The following CSMD3 variants were observed in gnomAD, a reference collection of about 807,000 sequenced individuals.
CSMD3 encodes the protein CUB and Sushi multiple domains 3, also known as CUB and sushi domain-containing protein 3.
A neutral mutation model predicts 435.2 loss-of-function variants in CSMD3; 177 were observed. The observed-to-expected ratio is 0.41, with a 90% CI of 0.36 to 0.46. CSMD3 has a LOEUF of 0.46. Ranked by LOEUF, CSMD3 falls within the 20% of genes least tolerant of loss-of-function variation. CSMD3 has a pLI of 0.34. For synonymous variants in CSMD3, 1,656 were observed against 1,520.5 expected (o/e 1.09, Z -2.07); for missense variants, 4,265 against 4,504.6 (o/e 0.95, Z 1.52).
At chr8:112,647,954 A>G (rs746738769) in intron 19 of CSMD3, among the ~76,000 whole-genome samples, 8 of 152,292 alleles carry the variant, frequency 5.3e-5, no homozygotes, top group Middle Eastern at 3.4e-3. Context: ...TAAAAACTCA[A>G]TAAATATTAG....
intron 3 of CSMD3, among the ~76,000 whole-genome samples, chr8:113,266,949 T>C (rs565150330): frequency 6.6e-6 from 1 of 151,368 alleles, no homozygotes; most frequent in South Asian, 2.1e-4. Flanking sequence ...AGGACACAAA[T>C]AGACATTTCT....
chr8:113,245,524 A>G (rs963278500), intron 3 of CSMD3, among the ~76,000 whole-genome samples: 5 of 152,066 alleles, frequency 3.3e-5, no homozygotes, highest in Non-Finnish European at 7.4e-5. Flanking sequence ...AAAAACTTTA[A>G]TATATGCCAT....
At chr8:113,276,995 A>C (rs988196631) in intron 3 of CSMD3, among the ~76,000 whole-genome samples, 46 of 152,062 alleles carry the variant, frequency 3.0e-4, no homozygotes, top group African/African-American at 1.1e-3. Flanking sequence ...GAAACCTGAC[A>C]GCCAAACCAA....
intron 27 of CSMD3, among the ~76,000 whole-genome samples, chr8:112,521,223 C>A (rs1429451484): frequency 6.6e-6 from 1 of 152,088 alleles, no homozygotes; most frequent in African/African-American, 2.4e-5. Flanking sequence ...TCCCATTTCT[C>A]TGCTTTCTTT....
chr8:112,912,579 G>C (rs1193168328), intron 10 of CSMD3, among the ~76,000 whole-genome samples: 1 of 151,832 alleles, frequency 6.6e-6, no homozygotes. Flanking sequence ...GGATTAAATA[G>C]TTAAATAAAG....
chr8:112,613,337 T>A (rs1833409196), intron 22 of CSMD3, among the ~76,000 whole-genome samples: 1 of 152,158 alleles, frequency 6.6e-6, no homozygotes, highest in African/African-American at 2.4e-5. Context: ...AAGTGCTCTA[T>A]AAAGCATAAA....
chr8:113,301,359 A>G (rs1400621746), intron 2 of CSMD3, among the ~76,000 whole-genome samples: 15 of 152,164 alleles, frequency 9.9e-5, no homozygotes, highest in Admixed American at 9.8e-4. Flanking sequence ...AGATAAATGG[A>G]TGCAATAAAG....
chr8:112,524,337 T>TAA (rs971675304), intron 27 of CSMD3, among the ~76,000 whole-genome samples: 41 of 141,742 alleles, frequency 2.9e-4, no homozygotes, highest in African/African-American at 9.8e-4. Context: ...TATTAGTAAG[T>TAA]AAAAAAAAAA....
intron 3 of CSMD3, among the ~76,000 whole-genome samples, chr8:113,260,428 G>C (rs2093417569): frequency 6.6e-6 from 1 of 152,050 alleles, no homozygotes; most frequent in Admixed American, 6.6e-5. Flanking sequence ...CACTATGTGT[G>C]GGGGTATCAT....
intron 26 of CSMD3, among the ~76,000 whole-genome samples, chr8:112,551,136 A>T (rs1302206564): frequency 1.3e-5 from 2 of 152,088 alleles, no homozygotes; most frequent in Non-Finnish European, 1.5e-5. Context: ...GTGTTCATGG[A>T]TTTAACTAGG....
At chr8:112,709,638 T>G (rs1457965178) in intron 13 of CSMD3, among the ~76,000 whole-genome samples, 1 of 152,132 alleles carries the variant, frequency 6.6e-6, no homozygotes, top group East Asian at 1.9e-4. Context: ...TCATTTAGTT[T>G]AACTTTCCTC....
chr8:112,271,047 G>T (rs1817487236), intron 59 of CSMD3, among the ~76,000 whole-genome samples: 1 of 151,012 alleles, frequency 6.6e-6, no homozygotes, highest in Non-Finnish European at 1.5e-5. Context: ...TTCTTTCTTT[G>T]AACTGACATT....
intron 4 of CSMD3, among the ~76,000 whole-genome samples, chr8:113,118,170 T>C (rs1157681075): frequency 2.6e-5 from 4 of 152,228 alleles, no homozygotes; most frequent in African/African-American, 9.6e-5. Flanking sequence ...CATTATGTAA[T>C]AGATTTTTTT....
Position 112,666,429 on chromosome 8 carries a change from T to C in CSMD3, c.2678-14A>G, listed in dbSNP as rs186180497. 4.3e-6 allele frequency: 7 copies of C among 1,609,400 alleles called. No homozygotes were observed. The Admixed American group carries it at 8.4e-5, about 19-fold the overall frequency. Reference sequence around the variant, plus strand: ...CACCACATGGGGCTGAAAAATTAAATCAGACAAGTAAGAATAAAACATTCA... The same window carrying C: ...CACCACATGGGGCTGAAAAATTAAACCAGACAAGTAAGAATAAAACATTCA... On this transcript the variant is annotated splice_polypyrimidine_tract_variant and intron_variant, in intron 16 of 70. Transcript: ENST00000297405.
chr8:112,860,340 T>C (rs1354259616), intron 10 of CSMD3, among the ~76,000 whole-genome samples: 7 of 151,896 alleles, frequency 4.6e-5, no homozygotes, highest in African/African-American at 1.7e-4. Context: ...TACAGTACTT[T>C]TAATTATCTT....
At chr8:112,278,352 G>A (rs1187245870) in intron 59 of CSMD3, among the ~76,000 whole-genome samples, 1 of 152,200 alleles carries the variant, frequency 6.6e-6, no homozygotes, top group African/African-American at 2.4e-5. Context: ...CCTCTGCCAA[G>A]ATTTAAATGA....
At chr8:112,485,465 A>G (rs557472564) in intron 31 of CSMD3, among the ~76,000 whole-genome samples, 2 of 152,132 alleles carry the variant, frequency 1.3e-5, no homozygotes, top group Admixed American at 1.3e-4. Flanking sequence ...TAGATTAGAT[A>G]ATCTCTATAT....
chr8:112,654,120 G>A (rs1258281640), intron 18 of CSMD3, among the ~76,000 whole-genome samples: 1 of 152,044 alleles, frequency 6.6e-6, no homozygotes, highest in Non-Finnish European at 1.5e-5. Flanking sequence ...GCCTGGGGAA[G>A]ACAAATTACT....
At chr8:112,238,534 C>A (rs1230788796) in intron 66 of CSMD3, among the ~76,000 whole-genome samples, 2 of 151,986 alleles carry the variant, frequency 1.3e-5, no homozygotes, top group Non-Finnish European at 2.9e-5. Flanking sequence ...TTTGATACCA[C>A]TGCCAACTTC....
Sources: gnomAD v4.1 joint callset for allele counts (sites outside exome capture counted in the v4.1 genomes callset) on GRCh38, gnomAD v4.1.1 for gene constraint, MANE v1.5 for transcripts, NCBI Gene and HGNC (gene_info 2026-07-23, HGNC 2026-07-21) for gene names.